Variants in LRCH1 observed in about 807,000 individuals in gnomAD.
LRCH1 encodes the protein leucine-rich repeat and calponin homology domain-containing protein 1.
In LRCH1, 23 loss-of-function variants were observed where a neutral mutation model predicts 94.9. That is an observed-to-expected ratio of 0.24 (90% CI 0.17 to 0.34). LRCH1 has a LOEUF of 0.34. Among genes scored for constraint, LRCH1 ranks in the 10% least tolerant of loss-of-function variants. LRCH1 has a pLI of 1.00. For synonymous variants in LRCH1, 364 were observed against 354.9 expected (o/e 1.03, Z -0.29); for missense variants, 790 against 945.9 (o/e 0.84, Z 2.16).
intron 1 of LRCH1, among the ~76,000 whole-genome samples, chr13:46,567,951 A>T (rs2050202676): frequency 6.6e-6 from 1 of 152,136 alleles, no homozygotes; most frequent in Admixed American, 6.5e-5. Flanking sequence ...TCCTTTCATA[A>T]TCAGGCAGCC....
chr13:46,592,017 A>C (rs1044050086), intron 1 of LRCH1, among the ~76,000 whole-genome samples: 3 of 152,228 alleles, frequency 2.0e-5, no homozygotes, highest in African/African-American at 7.2e-5. Context: ...TATTGTTTTA[A>C]AACTGTCAGC....
intron 1 of LRCH1, among the ~76,000 whole-genome samples, chr13:46,604,754 T>C (rs1454570263): frequency 6.6e-6 from 1 of 152,244 alleles, no homozygotes; most frequent in Non-Finnish European, 1.5e-5. Context: ...AGAGCATAAG[T>C]AATTTTAGGT....
chr13:46,684,233 T>C (rs1283094152), intron 4 of LRCH1, among the ~76,000 whole-genome samples: 2 of 125,368 alleles, frequency 1.6e-5, no homozygotes, highest in Non-Finnish European at 3.3e-5. Context: ...TCTTACTCCC[T>C]TTCTCTACTC....
rs1873659665 is a variant in LRCH1, at chr13:46,741,638, A to T, written c.2086-4A>T. ...TTCTGTTCTAATGGCTGCCCTCGGAATAGGCTGACCTCTGCTCTCCGTGTG... is the reference window on the plus strand; with the variant it reads ...TTCTGTTCTAATGGCTGCCCTCGGATTAGGCTGACCTCTGCTCTCCGTGTG... On this transcript the variant is annotated splice_region_variant and splice_polypyrimidine_tract_variant and intron_variant, in intron 19 of 19. Coordinates refer to ENST00000389797, the MANE Select transcript of LRCH1 (RefSeq NM_001164211.2). 1 of 1,613,990 alleles carries T rather than the reference A, an allele frequency of 6.2e-7. No homozygotes were observed. The highest frequency in any genetic ancestry group is 8.5e-7 in the Non-Finnish European group (1 of 1,179,976).
intron 1 of LRCH1, among the ~76,000 whole-genome samples, chr13:46,582,648 C>CATTTTTTTTTTTTTTTTTTTTT (rs2050383964): frequency 4.3e-5 from 1 of 23,332 alleles, no homozygotes; most frequent in Non-Finnish European, 8.0e-5. Flanking sequence ...CCATGCCCAG[C>CATTTTTTTTTTTTTTTTTTTTT]TTTTTTTTTT....
chr13:46,558,521 A>G (rs895027493), intron 1 of LRCH1, among the ~76,000 whole-genome samples: 2 of 139,776 alleles, frequency 1.4e-5, no homozygotes, highest in Admixed American at 1.5e-4. Flanking sequence ...GGATCACTTG[A>G]GGCCAGGAGT....
At chr13:46,581,440 T>C (rs553903252) in intron 1 of LRCH1, among the ~76,000 whole-genome samples, 1 of 152,016 alleles carries the variant, frequency 6.6e-6, no homozygotes, top group South Asian at 2.1e-4. Context: ...GATTCAAAGG[T>C]GGGAATTGAA....
intron 1 of LRCH1, among the ~76,000 whole-genome samples, chr13:46,619,495 C>A (rs377592381): frequency 1.3e-4 from 20 of 152,210 alleles, no homozygotes; most frequent in Admixed American, 2.6e-4. Context: ...TTCGGGAAAT[C>A]CATTAAGGAA....
intron 1 of LRCH1, among the ~76,000 whole-genome samples, chr13:46,636,268 C>T (rs1476696947): frequency 1.3e-5 from 2 of 151,754 alleles, no homozygotes; most frequent in South Asian, 2.1e-4. Flanking sequence ...GATGGGGTTT[C>T]ACCATGTTGG....
At chr13:46,704,319 TC>T (rs1312223918) in intron 11 of LRCH1, among the ~76,000 whole-genome samples, 1 of 152,086 alleles carries the variant, frequency 6.6e-6, no homozygotes, top group East Asian at 1.9e-4. Flanking sequence ...GGAATTTTTT[TC>T]TTTTTTAGTT....
At chr13:46,580,080 C>T (rs186887312) in intron 1 of LRCH1, among the ~76,000 whole-genome samples, 15 of 152,274 alleles carry the variant, frequency 9.9e-5, no homozygotes, top group Admixed American at 8.5e-4. Context: ...AGTTTCTAGC[C>T]CAAGACCTCT....
At chr13:46,657,323 C>CTA (rs1025888726) in intron 2 of LRCH1, among the ~76,000 whole-genome samples, 5 of 150,822 alleles carry the variant, frequency 3.3e-5, no homozygotes, top group African/African-American at 7.3e-5. Flanking sequence ...AATCAACTTA[C>CTA]TATATATCCT....
intron 1 of LRCH1, among the ~76,000 whole-genome samples, chr13:46,636,680 T>C (rs1370895639): frequency 6.6e-6 from 1 of 152,180 alleles, no homozygotes; most frequent in Non-Finnish European, 1.5e-5. Context: ...GATCTGACAG[T>C]CATTTCTCAG....
At chr13:46,558,598 AGCT>A (rs2050094820) in intron 1 of LRCH1, among the ~76,000 whole-genome samples, 1 of 143,678 alleles carries the variant, frequency 7.0e-6, no homozygotes, top group Admixed American at 7.0e-5. Flanking sequence ...AAAAAAAAAA[AGCT>A]GGGTTCCTGT....
At chr13:46,667,948 T>C (rs2051543052) in intron 2 of LRCH1, among the ~76,000 whole-genome samples, 2 of 152,218 alleles carry the variant, frequency 1.3e-5, no homozygotes, top group South Asian at 4.1e-4. Context: ...TGTCTATAAA[T>C]ACACTCACAC....
intron 11 of LRCH1, among the ~76,000 whole-genome samples, chr13:46,703,185 C>G (rs1171202635): frequency 6.6e-6 from 1 of 152,158 alleles, no homozygotes; most frequent in East Asian, 1.9e-4. Context: ...GTTGTTCATA[C>G]ATGTATGTTA....
At chr13:46,715,087 T>G (rs1872252856) in intron 15 of LRCH1, among the ~76,000 whole-genome samples, 1 of 152,254 alleles carries the variant, frequency 6.6e-6, no homozygotes, top group Non-Finnish European at 1.5e-5. Flanking sequence ...TATAATAGTT[T>G]TATTTCTAAA....
chr13:46,560,584 T>C (rs2137899210), intron 1 of LRCH1, among the ~76,000 whole-genome samples: 1 of 152,320 alleles, frequency 6.6e-6, no homozygotes, highest in South Asian at 2.1e-4. Flanking sequence ...AACCCAACTA[T>C]TTTTCCATAG....
intron 2 of LRCH1, among the ~76,000 whole-genome samples, chr13:46,657,431 T>C (rs1256090976): frequency 6.7e-6 from 1 of 148,888 alleles, no homozygotes; most frequent in African/African-American, 2.5e-5. Context: ...GGTGTGGATT[T>C]TGGGGATCAT....
Sources: gnomAD v4.1 joint callset for allele counts (sites outside exome capture counted in the v4.1 genomes callset) on GRCh38, gnomAD v4.1.1 for gene constraint, MANE v1.5 for transcripts, NCBI Gene and HGNC (gene_info 2026-07-23, HGNC 2026-07-21) for gene names.